The following GFRA1 variants were observed in gnomAD, a reference collection of about 807,000 sequenced individuals.
GFRA1 encodes the protein GDNF family receptor alpha 1.
A neutral mutation model predicts 51.6 loss-of-function variants in GFRA1; 16 were observed. The ratio of observed to expected loss-of-function variants is 0.31; its 90% confidence interval spans 0.21 to 0.47. GFRA1 has a LOEUF of 0.47. Ranked by LOEUF, GFRA1 falls within the 20% of genes least tolerant of loss-of-function variation. The probability of loss-of-function intolerance (pLI) is 1.00; values close to 1 mark genes in which losing one functional copy is unlikely to be tolerated. For synonymous variants in GFRA1, 270 were observed against 241.3 expected, an observed-to-expected ratio of 1.12 and a Z score of -1.10; for missense variants, 530 against 594.3, an observed-to-expected ratio of 0.89 and a Z score of 1.13.
Position 116,262,808 on chromosome 10 carries a change from A to G in GFRA1, c.418+6695T>C, listed in dbSNP as rs114484233. On this transcript the variant is annotated intron_variant, in intron 4 of 10. Coordinates refer to ENST00000355422, the MANE Select transcript of GFRA1 (RefSeq NM_005264.8). The stretch of plus-strand genomic sequence containing the variant: ...CGGAAGCATCTCCTAGGTTTAAGGC[A>G]TGCCCTTCTCAGGGAGCAGTAATTC... 5.2e-3 allele frequency among the ~76,000 whole-genome samples: 789 copies of G among 152,330 alleles called. 4 individuals carry two copies. The highest frequency in any genetic ancestry group is 0.016 in the African/African-American group (652 of 41,580).
intron 5 of GFRA1, among the ~76,000 whole-genome samples, chr10:116,180,509 G>A (rs1364850102): frequency 6.6e-6 from 1 of 152,094 alleles, no homozygotes; most frequent in Non-Finnish European, 1.5e-5. Flanking sequence ...ACAAATAACA[G>A]AATGATATGA....
At chr10:116,136,009 C>A (rs1424153797) in intron 5 of GFRA1, among the ~76,000 whole-genome samples, 1 of 151,984 alleles carries the variant, frequency 6.6e-6, no homozygotes, top group African/African-American at 2.4e-5. Context: ...TTTTTCCCCC[C>A]AATCTCAGAT....
chr10:116,171,519 T>C (rs3781538), intron 5 of GFRA1, among the ~76,000 whole-genome samples: 89,272 of 152,110 alleles, frequency 0.59, 26,155 homozygotes, highest in Middle Eastern at 0.63. Context: ...TGAAAATGGA[T>C]GCCTAGACTG....
chr10:116,065,876 C>G (rs1238549116), intron 9 of GFRA1, among the ~76,000 whole-genome samples: 1 of 152,078 alleles, frequency 6.6e-6, no homozygotes, highest in Non-Finnish European at 1.5e-5. Context: ...TAATAAGATA[C>G]TTTACATTCT....
chr10:116,267,343 G>T (rs1437765794), intron 4 of GFRA1, among the ~76,000 whole-genome samples: 1 of 152,000 alleles, frequency 6.6e-6, no homozygotes, highest in Non-Finnish European at 1.5e-5. Context: ...GCAGGTGCAT[G>T]TAATCCCAGC....
chr10:116,143,506 G>A (rs1958662838), intron 5 of GFRA1, among the ~76,000 whole-genome samples: 1 of 152,158 alleles, frequency 6.6e-6, no homozygotes, highest in Admixed American at 6.5e-5. Flanking sequence ...AGCAATGGCA[G>A]TTGCCCAAGC....
chr10:116,246,555 C>T (rs1025592472), intron 4 of GFRA1, among the ~76,000 whole-genome samples: 1 of 151,924 alleles, frequency 6.6e-6, no homozygotes, highest in Admixed American at 6.6e-5. Flanking sequence ...TAGCAAAAAA[C>T]GAAAAGGAAA....
At chr10:116,173,560 C>G (rs1961257261) in intron 5 of GFRA1, among the ~76,000 whole-genome samples, 1 of 152,196 alleles carries the variant, frequency 6.6e-6, no homozygotes, top group African/African-American at 2.4e-5. Context: ...ATTGCTTTCA[C>G]CGTATGCCTT....
chr10:116,196,716 TACTATATATA>T (rs1963885212), intron 5 of GFRA1, among the ~76,000 whole-genome samples: 8 of 105,980 alleles, frequency 7.5e-5, no homozygotes, highest in South Asian at 2.6e-4. Flanking sequence ...TTATATATAG[TACTATATATA>T]ATATATAATA....
At chr10:116,100,576 A>G (rs1244619300) in intron 6 of GFRA1, among the ~76,000 whole-genome samples, 6 of 152,224 alleles carry the variant, frequency 3.9e-5, no homozygotes, top group African/African-American at 1.4e-4. Flanking sequence ...GAATGATCCA[A>G]GGGTTTAGGT....
chr10:116,186,247 G>C (rs1047768591), intron 5 of GFRA1, among the ~76,000 whole-genome samples: 1 of 152,190 alleles, frequency 6.6e-6, no homozygotes, highest in Non-Finnish European at 1.5e-5. Context: ...GGTTCATGTG[G>C]TTAACACAGT....
At chr10:116,155,912 A>G (rs74160638) in intron 5 of GFRA1, among the ~76,000 whole-genome samples, 3,030 of 152,300 alleles carry the variant, frequency 0.02, 105 homozygotes, top group African/African-American at 0.069. Context: ...CCTCTCCTGA[A>G]CAGGCTCTCC....
At position 116,064,412 on chromosome 10, in the gene GFRA1, TTAAAGA is replaced by T. The variant is rs1233306125; in HGVS notation, c.1378_1383del (p.Ser460_Leu461del). The T allele has an allele frequency of 3.7e-6, 6 of 1,612,564 alleles. No individual in the cohort carries two copies. The highest frequency in any genetic ancestry group is 1.7e-5 in the Admixed American group (1 of 59,986). On this transcript the variant is annotated inframe_deletion, in exon 11 of 11. Coordinates refer to ENST00000355422, the MANE Select transcript of GFRA1 (RefSeq NM_005264.8). ...TTTTAATGCAGCTATGATGTTTCTG[TTAAAGA>T]TAATAGGGTGGACAGAGCGGTTACC...
chr10:116,126,263 T>C (rs953037404), intron 5 of GFRA1, among the ~76,000 whole-genome samples: 1 of 152,250 alleles, frequency 6.6e-6, no homozygotes, highest in African/African-American at 2.4e-5. Context: ...TCAGCTTGTA[T>C]TTTGAATAGA....
intron 4 of GFRA1, among the ~76,000 whole-genome samples, chr10:116,222,688 A>G (rs559538792): frequency 5.3e-5 from 8 of 152,324 alleles, no homozygotes; most frequent in Non-Finnish European, 8.8e-5. Context: ...GCAGGCAATT[A>G]GACAGAGATT....
chr10:116,210,658 A>G (rs1003026457), intron 5 of GFRA1, among the ~76,000 whole-genome samples: 1 of 152,230 alleles, frequency 6.6e-6, no homozygotes, highest in African/African-American at 2.4e-5. Flanking sequence ...GAGAAGGCAG[A>G]TATTCTCCAT....
intron 5 of GFRA1, among the ~76,000 whole-genome samples, chr10:116,168,643 G>T (rs942859599): frequency 1.3e-5 from 2 of 152,118 alleles, no homozygotes; most frequent in African/African-American, 4.8e-5. Flanking sequence ...GGAGAGGAAG[G>T]GCCAACCTCG....
chr10:116,137,079 A>G (rs983695950), intron 5 of GFRA1, among the ~76,000 whole-genome samples: 2 of 152,210 alleles, frequency 1.3e-5, no homozygotes, highest in Admixed American at 1.3e-4. Context: ...CTCATTATCC[A>G]TAGTCACACG....
At chr10:116,215,035 C>A (rs1325588719) in intron 4 of GFRA1, among the ~76,000 whole-genome samples, 1 of 152,094 alleles carries the variant, frequency 6.6e-6, no homozygotes, top group East Asian at 1.9e-4. Flanking sequence ...AATACTAGTA[C>A]AAATATTGCA....
Sources: allele counts gnomAD v4.1 joint callset (sites outside exome capture counted in the v4.1 genomes callset), GRCh38; gene constraint gnomAD v4.1.1; transcripts MANE v1.5; gene names NCBI Gene and HGNC (gene_info 2026-07-23, HGNC 2026-07-21).